MROH9: variants seen among roughly 807,000 people sequenced by gnomAD.
MROH9 encodes maestro heat-like repeat-containing protein family member 9.
MROH9 carries 92 observed loss-of-function variants against 98.2 expected under a neutral mutation model. The ratio of observed to expected loss-of-function variants is 0.94; its 90% confidence interval spans 0.79 to 1.11. The LOEUF (loss-of-function observed/expected upper bound fraction) is 1.11, where lower values mean the gene tolerates loss of function less well. Ranked by LOEUF, MROH9 falls within the 50% of genes most tolerant of loss-of-function variation. The probability of loss-of-function intolerance (pLI) is 0.00; values close to 1 mark genes in which losing one functional copy is unlikely to be tolerated. For synonymous variants in MROH9, 397 were observed against 368.9 expected, an observed-to-expected ratio of 1.08 and a Z score of -0.87; for missense variants, 1,057 against 1,014.8, an observed-to-expected ratio of 1.04 and a Z score of -0.57.
chr1:170,968,689 A>C (rs1650324506), intron 7 of MROH9, among the ~76,000 whole-genome samples: 1 of 152,182 alleles, frequency 6.6e-6, no homozygotes, highest in African/African-American at 2.4e-5. Flanking sequence ...TCTAGGCTGC[A>C]GTGAGCTATG....
At chr1:171,023,464 T>C in intron 17 of MROH9, among the ~76,000 whole-genome samples, 1 of 152,140 alleles carries the variant, frequency 6.6e-6, no homozygotes. Flanking sequence ...TATCTTCAAG[T>C]TATACATACT....
At chr1:170,991,600 C>G (rs918759541) in intron 11 of MROH9, among the ~76,000 whole-genome samples, 1 of 151,954 alleles carries the variant, frequency 6.6e-6, no homozygotes, top group Admixed American at 6.6e-5. Context: ...GGAAAAGGAG[C>G]TAGGGGACTG....
Position 170,935,982 on chromosome 1 carries a change from C to CA in MROH9, c.-38+421dup, listed in dbSNP as rs59883013. 7.5e-3 allele frequency among the ~76,000 whole-genome samples: 466 copies of CA among 62,244 alleles called. 22 individuals carry two copies. Among genetic ancestry groups the CA allele is most frequent in the African/African-American group, 0.016 (299 of 19,192 alleles). 40.8% of individuals were successfully genotyped at this position (62,244 alleles called of 152,430 possible). On this transcript the variant is annotated intron_variant, in intron 1 of 21. Coordinates refer to ENST00000367759, the MANE Select transcript of MROH9 (RefSeq NM_001163629.2). ...ACTCCAGCCTGGCAACAGAGTGAGA[C>CA]AAAAAAAAAAAAAAAAAAAAAAAAA...
intron 20 of MROH9, among the ~76,000 whole-genome samples, chr1:171,057,439 C>G (rs1653876151): frequency 6.6e-6 from 1 of 152,142 alleles, no homozygotes; most frequent in Non-Finnish European, 1.5e-5. Context: ...AAGGAACAAA[C>G]AAAGCCTCCA....
At chr1:170,970,389 GAA>G (rs376405516) in intron 7 of MROH9, among the ~76,000 whole-genome samples, 4 of 145,048 alleles carry the variant, frequency 2.8e-5, no homozygotes, top group African/African-American at 5.0e-5. Flanking sequence ...CATCGAGTGG[GAA>G]AAAAAAAAAA....
intron 5 of MROH9, among the ~76,000 whole-genome samples, chr1:170,960,602 T>C (rs919744427): frequency 3.9e-5 from 6 of 152,160 alleles, no homozygotes; most frequent in Non-Finnish European, 8.8e-5. Flanking sequence ...TATTTACATA[T>C]AAAATGTATT....
rs182816606 is a variant in MROH9, at chr1:170,972,223, T to C, written c.616+340T>C. Among the ~76,000 whole-genome samples the C allele has an allele frequency of 4.2e-3, 638 of 152,272 alleles. 8 individuals are homozygous for C. The highest frequency in any genetic ancestry group is 0.014 in the African/African-American group (594 of 41,556). On this transcript the variant is annotated intron_variant, in intron 8 of 21. Coordinates refer to ENST00000367759, the MANE Select transcript of MROH9 (RefSeq NM_001163629.2). ...CGGTATTTTTTTCTGTCTAATTGAG[T>C]ATCTGATAGACTACTCAGAAGATTC...
At chr1:171,000,737 G>A (rs903048263) in intron 15 of MROH9, among the ~76,000 whole-genome samples, 2 of 152,048 alleles carry the variant, frequency 1.3e-5, no homozygotes, top group Admixed American at 6.6e-5. Context: ...TTGGTATTAG[G>A]GTGATGCTGA....
intron 1 of MROH9, among the ~76,000 whole-genome samples, chr1:170,943,835 TTAAA>T (rs1031600062): frequency 1.3e-5 from 2 of 152,004 alleles, no homozygotes; most frequent in Non-Finnish European, 2.9e-5. Context: ...TGAGATTCTC[TTAAA>T]TAAAGTCAAA....
At chr1:171,034,674 T>C (rs1653039081) in intron 20 of MROH9, among the ~76,000 whole-genome samples, 1 of 152,218 alleles carries the variant, frequency 6.6e-6, no homozygotes, top group African/African-American at 2.4e-5. Flanking sequence ...GTGTCATAAA[T>C]ATACTATCAG....
intron 10 of MROH9, among the ~76,000 whole-genome samples, chr1:170,988,932 C>T (rs562124543): frequency 1.3e-5 from 2 of 152,252 alleles, no homozygotes; most frequent in South Asian, 4.2e-4. Flanking sequence ...AAATCCTATA[C>T]TTAAAAGGTC....
chr1:170,988,271 G>A (rs1433418405), intron 10 of MROH9, among the ~76,000 whole-genome samples: 1 of 152,138 alleles, frequency 6.6e-6, no homozygotes, highest in Admixed American at 6.6e-5. Flanking sequence ...CAAGGTGACT[G>A]AAAATAATCT....
rs367575706 is a variant in MROH9 at position 170,983,447 on chromosome 1, C to T, written c.642C>T (p.Asn214=). 4.8e-5 allele frequency: 77 copies of T among 1,612,350 alleles called. No individual in the cohort carries two copies. In the East Asian group the frequency reaches 4.9e-4, roughly 10 times the overall value. Residue 214 remains asparagine, a synonymous_variant, in exon 9 of 22, where the codon AAC becomes AAT. Transcript: ENST00000367759. ...ATATTGGAACAAATAAGCCTACAAA[C>T]GGTAAAAGTCATAGCCTCCAGTTTC... ...QNDIGTNKPT[N]GKSHSLQFPS...
intron 20 of MROH9, among the ~76,000 whole-genome samples, chr1:171,041,874 G>T (rs370209129): frequency 1.8e-3 from 270 of 151,980 alleles, no homozygotes; most frequent in Middle Eastern, 0.017. Context: ...TGGGTACATA[G>T]TAGGTGTATA....
At chr1:170,985,343 G>A (rs918649657) in intron 9 of MROH9, among the ~76,000 whole-genome samples, 2 of 152,026 alleles carry the variant, frequency 1.3e-5, no homozygotes, top group Non-Finnish European at 2.9e-5. Context: ...TCAAGCAAGC[G>A]GCATCAAGAA....
Position 170,958,560 on chromosome 1 carries a change from T to C in MROH9, c.152+20T>C, listed in dbSNP as rs1649879253. 4 of 1,477,050 alleles carry C rather than the reference T, an allele frequency of 2.7e-6. No homozygotes were observed. Among genetic ancestry groups the C allele is most frequent in the Non-Finnish European group, 3.7e-6 (4 of 1,074,390 alleles). 91.5% of individuals were successfully genotyped at this position (1,477,050 alleles called of 1,614,324 possible). ...CTCCAGGTATGATAAGCTATCATGC[T>C]CTTTTATTTCACTAATTGGATGCAT... is the stretch of plus-strand genomic sequence containing the variant. On this transcript the variant is annotated intron_variant, in intron 4 of 21. Transcript: ENST00000367759.
At chr1:170,993,687 A>G (rs1379451196) in intron 12 of MROH9, among the ~76,000 whole-genome samples, 2 of 152,330 alleles carry the variant, frequency 1.3e-5, no homozygotes, top group East Asian at 3.9e-4. Context: ...AAATGTGAAC[A>G]TATTCTCCAG....
At position 170,972,827 on chromosome 1, in the gene MROH9, A is replaced by C. The variant is rs2421520; in HGVS notation, c.616+944A>C. 3.0e-3 allele frequency among the ~76,000 whole-genome samples: 299 copies of C among 99,392 alleles called. 5 individuals are homozygous for C. Among genetic ancestry groups the C allele is most frequent in the African/African-American group, 6.0e-3 (158 of 26,300 alleles). The allele number at this position is 99,392 out of a possible 152,430, so 65.2% of individuals were successfully genotyped here. A position where few individuals can be genotyped will look rare whatever the true frequency, so the allele number is the denominator to read the frequency against. On this transcript the variant is annotated intron_variant, in intron 8 of 21. Coordinates refer to ENST00000367759, the MANE Select transcript of MROH9 (RefSeq NM_001163629.2). ...ACTCCGCCTCAAAAAAAAAAAAAAA[A>C]ATACACACACACACACACACACACA...
intron 10 of MROH9, among the ~76,000 whole-genome samples, chr1:170,988,417 T>C (rs16863910): frequency 0.031 from 4,757 of 152,226 alleles, 147 homozygotes; most frequent in African/African-American, 0.083. Context: ...AGAGTCATCT[T>C]ACAAAATAGA....
Sources: gnomAD v4.1 joint callset for allele counts (sites outside exome capture counted in the v4.1 genomes callset) on GRCh38, gnomAD v4.1.1 for gene constraint, MANE v1.5 for transcripts, NCBI Gene and HGNC (gene_info 2026-07-23, HGNC 2026-07-21) for gene names.